TMEM51: variants seen among roughly 807,000 people sequenced by gnomAD.
TMEM51 encodes chromosome 1 open reading frame 72.
Under a neutral mutation model 13.6 loss-of-function variants are expected in TMEM51, and 8 were observed. That is an observed-to-expected ratio of 0.59 (90% CI 0.35 to 1.07). The LOEUF (loss-of-function observed/expected upper bound fraction) is 1.07. TMEM51 is among the 50% of genes least tolerant of loss of function. TMEM51 has a pLI of 0.02. For missense variants in TMEM51, 279 were observed against 330.7 expected (o/e 0.84, Z 1.21); for synonymous variants, 147 against 144.4 (o/e 1.02, Z -0.13).
rs773007589 is a variant in TMEM51, at chr1:15,219,387, G to A, written c.406G>A (p.Glu136Lys). 1.9e-6 allele frequency: 3 copies of A among 1,610,442 alleles called. No individual in the cohort carries two copies. In the Admixed American group the frequency reaches 5.0e-5, roughly 27 times the overall value. The change falls in exon 4 of 4, where the codon GAA becomes AAA. Residue 136 changes from glutamate (E) to lysine (K), a missense_variant. Glu to Lys is a moderately conservative substitution (Grantham distance 56, BLOSUM62 1). Transcript: ENST00000376008. ...ASRYYVPSYE[E>K]VMNTNYSEAR... Reference sequence around the variant, plus strand: ...AAGGTACTATGTTCCCAGCTACGAGGAAGTGATGAACACAAACTACTCAGA... The same window carrying A: ...AAGGTACTATGTTCCCAGCTACGAGAAAGTGATGAACACAAACTACTCAGA...
intron 1 of TMEM51, among the ~76,000 whole-genome samples, chr1:15,159,118 C>G (rs1642685267): frequency 6.6e-6 from 1 of 152,126 alleles, no homozygotes; most frequent in Non-Finnish European, 1.5e-5. Context: ...GCAGGGCCGA[C>G]AGGAAGGAAG....
At chr1:15,180,288 C>A (rs922317537) in intron 1 of TMEM51, among the ~76,000 whole-genome samples, 1 of 152,100 alleles carries the variant, frequency 6.6e-6, no homozygotes, top group Admixed American at 6.5e-5. Context: ...GTCTCCTGAT[C>A]GTCAGCAAGA....
chr1:15,188,100 T>C (rs1321421162), intron 1 of TMEM51, among the ~76,000 whole-genome samples: 2 of 152,230 alleles, frequency 1.3e-5, no homozygotes, highest in African/African-American at 4.8e-5. Flanking sequence ...ACGGAAACAT[T>C]GCTAGGTCCA....
chr1:15,189,287 C>T (rs1298498957), intron 1 of TMEM51, among the ~76,000 whole-genome samples: 2 of 146,968 alleles, frequency 1.4e-5, no homozygotes, highest in Non-Finnish European at 3.0e-5. Flanking sequence ...AACTCCTGAC[C>T]TCAGGTGATC....
intron 1 of TMEM51, among the ~76,000 whole-genome samples, chr1:15,200,407 C>CAAAAAAAAAAA (rs55755539): frequency 1.5e-5 from 1 of 67,964 alleles, no homozygotes; most frequent in Non-Finnish European, 2.6e-5. Context: ...GACTCTGTCT[C>CAAAAAAAAAAA]AAAAAAAAAA....
At chr1:15,179,502 G>A (rs1369932037) in intron 1 of TMEM51, among the ~76,000 whole-genome samples, 1 of 152,202 alleles carries the variant, frequency 6.6e-6, no homozygotes, top group African/African-American at 2.4e-5. Context: ...CTAAACTTTT[G>A]GCCGGTGCAA....
At chr1:15,178,560 C>T (rs539652075) in intron 1 of TMEM51, among the ~76,000 whole-genome samples, 4 of 152,344 alleles carry the variant, frequency 2.6e-5, no homozygotes, top group African/African-American at 9.6e-5. Context: ...AACTGCTGCT[C>T]CCTTTGCTTC....
intron 1 of TMEM51, among the ~76,000 whole-genome samples, chr1:15,184,025 C>T (rs1351997037): frequency 6.6e-6 from 1 of 152,148 alleles, no homozygotes; most frequent in Non-Finnish European, 1.5e-5. Context: ...TCCTTTCCTT[C>T]TTCTTTCCTT....
intron 1 of TMEM51, among the ~76,000 whole-genome samples, chr1:15,201,305 C>A (rs1384575645): frequency 6.7e-6 from 1 of 149,152 alleles, no homozygotes. Flanking sequence ...CGTAATAGGT[C>A]GTTAAGAAAA....
At chr1:15,197,590 C>T (rs369008515) in intron 1 of TMEM51, among the ~76,000 whole-genome samples, 68 of 152,106 alleles carry the variant, frequency 4.5e-4, no homozygotes, top group Non-Finnish European at 8.8e-4. Flanking sequence ...CCAAAAGCCC[C>T]GTACTGAATC....
At chr1:15,177,166 C>T (rs1643478538) in intron 1 of TMEM51, among the ~76,000 whole-genome samples, 1 of 152,158 alleles carries the variant, frequency 6.6e-6, no homozygotes, top group African/African-American at 2.4e-5. Context: ...GCCAGATTTT[C>T]AAGTTTTACA....
rs115297353 is a variant in TMEM51, at chr1:15,176,924, T to A, written c.-267+22970T>A. 7.8e-3 allele frequency among the ~76,000 whole-genome samples: 1,191 copies of A among 152,186 alleles called. 20 individuals are homozygous for A. The highest frequency in any genetic ancestry group is 0.027 in the African/African-American group (1,120 of 41,514). On this transcript the variant is annotated intron_variant, in intron 1 of 3. Coordinates refer to ENST00000376008, the MANE Select transcript of TMEM51 (RefSeq NM_001136218.2). ...AAGGAGATGGATGAGGCAGGAAGAATCACTGAAAAGGACTCTGACAAAAAG... is the reference window on the plus strand; with the variant it reads ...AAGGAGATGGATGAGGCAGGAAGAAACACTGAAAAGGACTCTGACAAAAAG...
In TMEM51 at chr1:15,181,818, C is replaced by T. The variant is rs555888024; in HGVS notation, c.-267+27864C>T. On this transcript the variant is annotated intron_variant, in intron 1 of 3. Transcript: ENST00000376008. ...TAAAAGGTGAACCATCAAACCGTGA[C>T]GTCTGGCTGCCTGCATGAAACTCCA... Among the ~76,000 whole-genome samples the T allele has an allele frequency of 1.8e-4, 28 of 152,278 alleles. No homozygotes were observed. In the South Asian group the frequency reaches 4.8e-3, roughly 26 times the overall value.
At chr1:15,194,453 G>A (rs1349565105) in intron 1 of TMEM51, among the ~76,000 whole-genome samples, 1 of 152,142 alleles carries the variant, frequency 6.6e-6, no homozygotes, top group African/African-American at 2.4e-5. Context: ...TTCCTGCCAC[G>A]TGCCCCTTGG....
chr1:15,215,881 G>T (rs1366899984), intron 3 of TMEM51, among the ~76,000 whole-genome samples: 3 of 152,108 alleles, frequency 2.0e-5, no homozygotes, highest in African/African-American at 7.2e-5. Flanking sequence ...ACAAAAATTA[G>T]CTGGGCATGG....
intron 1 of TMEM51, among the ~76,000 whole-genome samples, chr1:15,195,802 C>T (rs1883757): frequency 0.73 from 110,311 of 152,046 alleles, 40,767 homozygotes; most frequent in East Asian, 0.96. Flanking sequence ...CAGCTCCTAA[C>T]GAGCATCTCC....
intron 3 of TMEM51, among the ~76,000 whole-genome samples, chr1:15,218,726 G>A (rs989408858): frequency 1.3e-5 from 2 of 152,124 alleles, no homozygotes; most frequent in African/African-American, 4.8e-5. Context: ...ACTCTCACCA[G>A]TGCCATGACA....
Position 15,207,596 on chromosome 1 carries a change from C to T in TMEM51, c.-266-2894C>T, listed in dbSNP as rs1262826238. Among the ~76,000 whole-genome samples the T allele has an allele frequency of 6.6e-6, 1 of 152,204 alleles. No homozygotes were observed. On this transcript the variant is annotated intron_variant, in intron 1 of 3. Transcript: ENST00000376008. This position sits in a 1 kb window ranked among gnomAD's most constrained non-coding sequence, Gnocchi z 4.6. ...GGAGCTGGGTCTACCTCCCTGGCCC[C>T]GACTCCTCCACACCCACTGCACAGC... is the stretch of plus-strand genomic sequence containing the variant.
At chr1:15,193,575 C>CTTTTTTTTTTTTTTT (rs3078881) in intron 1 of TMEM51, among the ~76,000 whole-genome samples, 51 of 114,646 alleles carry the variant, frequency 4.4e-4, no homozygotes, top group African/African-American at 8.5e-4. Context: ...TTCTTTCTTT[C>CTTTTTTTTTTTTTTT]TTTTTTTTTT....
Sources: gnomAD v4.1 joint callset for allele counts (sites outside exome capture counted in the v4.1 genomes callset) on GRCh38, gnomAD v4.1.1 for gene constraint, Gnocchi (gnomAD v3.1) non-coding constraint, MANE v1.5 for transcripts, NCBI Gene and HGNC (gene_info 2026-07-23, HGNC 2026-07-21) for gene names.